Variants in CRISP1 observed in about 807,000 individuals in gnomAD.
The protein encoded by CRISP1 is cysteine-rich secretory protein 1.
Under a neutral mutation model 33.1 loss-of-function variants are expected in CRISP1, and 44 were observed. The ratio of observed to expected loss-of-function variants is 1.33; its 90% CI spans 1.05 to 1.71. The LOEUF is 1.71. Among genes scored for constraint, CRISP1 ranks in the 40% most tolerant of loss-of-function variants. The probability of loss-of-function intolerance (pLI) is 0.00; values close to 1 mark genes in which losing one functional copy is unlikely to be tolerated. For synonymous variants in CRISP1, 103 were observed against 98.7 expected (o/e 1.04, Z -0.26); for missense variants, 390 against 301.2 (o/e 1.29, Z -2.18).
Position 49,841,531 on chromosome 6 carries a change from C to G in CRISP1, c.436-536G>C, listed in dbSNP as rs547735803. On this transcript the variant is annotated intron_variant, in intron 5 of 7. Coordinates refer to ENST00000335847, the MANE Select transcript of CRISP1 (RefSeq NM_001131.3). ...AGTATACTCAGGGATGATCAAAACT[C>G]TGTGTCAATTCTCCATGACTCATTG... is the stretch of plus-strand genomic sequence containing the variant. Among the ~76,000 whole-genome samples, 3 of 152,248 alleles carry G rather than the reference C, an allele frequency of 2.0e-5. No individual in the cohort carries two copies. The South Asian group carries it at 6.2e-4, about 32-fold the overall frequency.
At chr6:49,838,633 GT>G (rs1301374305) in intron 6 of CRISP1, 108 bp from the exon 7 acceptor site, 2 of 713,606 alleles carry the variant, frequency 2.8e-6, no homozygotes, top group Non-Finnish European at 4.6e-6. Context: ...AAACATTCTT[GT>G]AAAGAACAGT....
chr6:49,840,468 C>T (rs567805551), intron 6 of CRISP1, among the ~76,000 whole-genome samples: 74 of 152,284 alleles, frequency 4.9e-4, no homozygotes, highest in Non-Finnish European at 8.2e-4. Flanking sequence ...TGTTAAGACT[C>T]CACTGCATGT....
intron 5 of CRISP1, 66 bp downstream of exon 5, chr6:49,846,454 T>C (rs1771170791): frequency 4.0e-6 from 6 of 1,487,632 alleles, no homozygotes; most frequent in Middle Eastern, 1.8e-4. Flanking sequence ...AGTTGTTTCT[T>C]AGTTACGTTT....
chr6:49,862,191 G>C lies in CRISP1; in HGVS notation c.-3+4238C>G, dbSNP rs1198007499. ...CCAAATTCTTAGATCTGATAAGTAA[G>C]TTAAATAACTTTGCAAGATATAAAA... On this transcript the variant is annotated intron_variant, in intron 1 of 7. Coordinates refer to ENST00000335847, the MANE Select transcript of CRISP1 (RefSeq NM_001131.3). Among the ~76,000 whole-genome samples, 4 of 152,230 alleles carry C rather than the reference G, an allele frequency of 2.6e-5. No individual in the cohort carries two copies. In the East Asian group the frequency reaches 5.8e-4, roughly 22 times the overall value.
chr6:49,848,219 C>A lies in CRISP1; in HGVS notation c.276G>T (p.Arg92Ser). 6.3e-7 allele frequency: 1 copy of A among 1,584,630 alleles called. No homozygotes were observed. ...CDMTESNPLERRLPNTFCGEN... is the reference protein window; with the variant it reads ...CDMTESNPLESRLPNTFCGEN... ...TAGATACACACTTACTTGGAAGTCT[C>A]CTCTCAAGGGGGTTGCTCTCTGTCA... Residue 92 changes from arginine (R) to serine (S), a missense_variant, in exon 4 of 8, where the codon AGG becomes AGT. Arg to Ser is a moderately radical substitution (Grantham distance 110, BLOSUM62 -1). Coordinates refer to ENST00000335847, the MANE Select transcript of CRISP1 (RefSeq NM_001131.3).
rs1276777534 is a variant in CRISP1 at position 49,847,321 on chromosome 6, T to C, written c.287-653A>G. Among the ~76,000 whole-genome samples the C allele has an allele frequency of 2.0e-5, 3 of 152,188 alleles. No homozygotes were observed. The East Asian group carries it at 5.8e-4, about 29-fold the overall frequency. On this transcript the variant is annotated intron_variant, in intron 4 of 7. Coordinates refer to ENST00000335847, the MANE Select transcript of CRISP1 (RefSeq NM_001131.3). ...CCCCTCCAAATCTCATGTTGAGATG[T>C]AATCCCCGTGTTGAAGGTGGGGCCT...
rs777192009 is a variant in CRISP1, at chr6:49,840,900, A to G, written c.531T>C (p.His177=). Residue 177 remains histidine, a splice_region_variant and synonymous_variant, in exon 6 of 8, where the codon CAT becomes CAC. Transcript: ENST00000335847. ...PRYLYVCHYC[H]EGNDPETKNE... ...TTTTAAAAACTAATAATACATACTC[A>G]TGACAATAGTGACAAACGTAGAGAT... The G allele has an allele frequency of 1.2e-6, 2 of 1,611,564 alleles. No individual in the cohort carries two copies. Among genetic ancestry groups the G allele is most frequent in the South Asian group, 2.2e-5 (2 of 90,976 alleles).
chr6:49,853,591 C>T (rs1416821757), intron 2 of CRISP1, among the ~76,000 whole-genome samples: 1 of 152,176 alleles, frequency 6.6e-6, no homozygotes, highest in Non-Finnish European at 1.5e-5. Context: ...ATCACCTGGT[C>T]AAGCATTTCC....
At chr6:49,872,883 GGCT>G (rs1318357559) in intron 1 of CRISP1, among the ~76,000 whole-genome samples, 5 of 152,098 alleles carry the variant, frequency 3.3e-5, no homozygotes, top group Non-Finnish European at 2.9e-5. Flanking sequence ...TGGCAATGCA[GGCT>G]CTTTTTTGGT....
At chr6:49,874,437 A>G (rs1395610777) in intron 1 of CRISP1, among the ~76,000 whole-genome samples, 3 of 152,098 alleles carry the variant, frequency 2.0e-5, no homozygotes, top group African/African-American at 7.2e-5. Flanking sequence ...GAGTAATGAC[A>G]TTTGATTTTG....
intron 5 of CRISP1, among the ~76,000 whole-genome samples, 189 bp downstream of exon 5, chr6:49,846,331 T>A (rs1178381577): frequency 6.6e-6 from 1 of 152,130 alleles, no homozygotes; most frequent in African/African-American, 2.4e-5. Flanking sequence ...TACTAAGAGG[T>A]TAAGCATCTT....
chr6:49,874,561 C>T (rs1232742857), intron 1 of CRISP1, among the ~76,000 whole-genome samples: 2 of 152,038 alleles, frequency 1.3e-5, no homozygotes, highest in Non-Finnish European at 2.9e-5. Flanking sequence ...ATGAGGCCAG[C>T]ATCATCCTGA....
Position 49,857,375 on chromosome 6 carries a change from A to G in CRISP1, c.26T>C (p.Leu9Ser), listed in dbSNP as rs1045779797. 1 of 1,612,226 alleles carries G rather than the reference A, an allele frequency of 6.2e-7. No individual in the cohort carries two copies. The highest frequency in any genetic ancestry group is 8.5e-7 in the Non-Finnish European group (1 of 1,178,632). The stretch of plus-strand genomic sequence containing the variant: ...AGGCAGTAAGCAAGCAGCAGCAACC[A>G]AAAACAAGAGGTGTTTAATTTCCAT... MEIKHLLF[L>S]VAAACLLPML... is the part of the protein sequence containing the mutation. Residue 9 changes from leucine (L) to serine (S), a missense_variant, in exon 2 of 8, where the codon TTG becomes TCG. By Grantham distance (145) the Leu-to-Ser change is moderately radical (BLOSUM62 -2). Transcript: ENST00000335847.
chr6:49,867,492 AAG>A (rs1213398446), upstream of CRISP1, among the ~76,000 whole-genome samples: 1 of 152,044 alleles, frequency 6.6e-6, no homozygotes, highest in Admixed American at 6.6e-5. Context: ...GAATATCTAA[AAG>A]GAAAGAGTAA....
rs1219264584 is a variant in CRISP1, at chr6:49,848,298, C to T, written c.197G>A (p.Ser66Asn). The T allele has an allele frequency of 6.3e-7, 1 of 1,576,012 alleles. No individual in the cohort carries two copies. Among genetic ancestry groups the T allele is most frequent in the South Asian group, 1.2e-5 (1 of 85,852 alleles). Residue 66 changes from serine (S) to asparagine (N), a missense_variant and splice_region_variant, in exon 4 of 8, where the codon AGT becomes AAT. Coordinates refer to ENST00000335847, the MANE Select transcript of CRISP1 (RefSeq NM_001131.3). ...ATTTTGTGCAGCCTCTTCACTCCAA[C>T]TCTGTAGTGGAAAGAAAAAAAAAGC... ...VPPASNMLKMSWSEEAAQNAR... is the reference protein window; with the variant it reads ...VPPASNMLKMNWSEEAAQNAR...
At chr6:49,869,381 G>A (rs1771872237), upstream of CRISP1, among the ~76,000 whole-genome samples, 1 of 152,136 alleles carries the variant, frequency 6.6e-6, no homozygotes. Context: ...CAAGAACACA[G>A]GAGAGGCTGC....
Position 49,846,653 on chromosome 6 carries a change from T to G in CRISP1, c.302A>C (p.Glu101Ala). The change falls in exon 5 of 8, where the codon GAA becomes GCA. Residue 101 changes from glutamate (E) to alanine (A), a missense_variant. Transcript: ENST00000335847. ...AGGATAAGATGTCATATGCATATTT[T>G]CTCCACAAAAGGTATCTGAAATGAG... The part of the protein sequence containing the change: ...ERRLPNTFCG[E>A]NMHMTSYPVS... The G allele has an allele frequency of 1.2e-6, 2 of 1,613,366 alleles. No individual in the cohort carries two copies. Among genetic ancestry groups the G allele is most frequent in the Middle Eastern group, 1.7e-4 (1 of 6,054 alleles).
At chr6:49,848,855 T>A (rs576784513) in intron 3 of CRISP1, among the ~76,000 whole-genome samples, 2 of 152,240 alleles carry the variant, frequency 1.3e-5, no homozygotes, top group African/African-American at 4.8e-5. Context: ...CCAGAATCTG[T>A]CACCAATTCT....
intron 6 of CRISP1, among the ~76,000 whole-genome samples, chr6:49,838,816 G>T (rs1369150343): frequency 1.3e-5 from 2 of 152,132 alleles, no homozygotes; most frequent in East Asian, 3.9e-4. Context: ...CCAAGTACAA[G>T]CAAGGGGACT....
Sources: gnomAD v4.1 joint callset for allele counts (sites outside exome capture counted in the v4.1 genomes callset) on GRCh38, gnomAD v4.1.1 for gene constraint, MANE v1.5 for transcripts, NCBI Gene and HGNC (gene_info 2026-07-23, HGNC 2026-07-21) for gene names.